DNAH14: variants seen among roughly 807,000 people sequenced by gnomAD.
DNAH14 encodes the protein dynein axonemal heavy chain 14.
A neutral mutation model predicts 520.9 loss-of-function variants in DNAH14; 478 were observed. The ratio of observed to expected loss-of-function variants is 0.92; its 90% CI spans 0.85 to 0.99. The LOEUF is 0.99. Ranked by LOEUF, DNAH14 falls within the 50% of genes least tolerant of loss-of-function variation. The pLI is 0.00. For missense variants in DNAH14, 4,831 were observed against 5,234.5 expected, an observed-to-expected ratio of 0.92 and a Z score of 2.38; for synonymous variants, 1,581 against 1,757.2, an observed-to-expected ratio of 0.90 and a Z score of 2.51.
At chr1:225,367,724 G>C (rs1322510337) in intron 76 of DNAH14, 81 bp from the exon 77 acceptor site, 3 of 921,750 alleles carry the variant, frequency 3.3e-6, no homozygotes, top group Admixed American at 5.3e-5. Flanking sequence ...TCTTTTACCA[G>C]TGTTGTAGAA....
Position 225,346,625 on chromosome 1 carries a change from A to T in DNAH14, c.11267A>T (p.Lys3756Ile). Reference sequence around the variant, plus strand: ...TATTCTGGCATATTGATAAATATTAAAAGTGCATTATCCCAGTCTAGACTT... The same window carrying T: ...TATTCTGGCATATTGATAAATATTATAAGTGCATTATCCCAGTCTAGACTT... ...FLYSGILINI[K>I]SALSQSRLTS... The change falls in exon 71 of 86, where the codon AAA becomes ATA. Residue 3756 changes from lysine (K) to isoleucine (I), a missense_variant. Transcript: ENST00000682510. The T allele has an allele frequency of 6.5e-7, 1 of 1,548,806 alleles. No homozygotes were observed. Among genetic ancestry groups the T allele is most frequent in the Admixed American group, 2.0e-5 (1 of 50,810 alleles).
intron 8 of DNAH14, among the ~76,000 whole-genome samples, chr1:224,997,905 C>T (rs1380950951): frequency 2.0e-5 from 3 of 152,060 alleles, no homozygotes; most frequent in Admixed American, 2.0e-4. Flanking sequence ...CACATGTTCT[C>T]ACTCATAGGT....
At chr1:225,187,116 A>G (rs2084861509) in intron 37 of DNAH14, among the ~76,000 whole-genome samples, 1 of 151,862 alleles carries the variant, frequency 6.6e-6, no homozygotes, top group Non-Finnish European at 1.5e-5. Flanking sequence ...CCAATAATGT[A>G]ATTGCTGGTT....
chr1:225,303,090 TTAATA>T (rs1474572761), intron 56 of DNAH14, 61 bp from the exon 57 acceptor site: 1 of 1,167,888 alleles, frequency 8.6e-7, no homozygotes, highest in East Asian at 2.6e-5. Context: ...CATGGAATTT[TTAATA>T]TAATATTTTT....
chr1:225,028,478 CT>C (rs2066294447), intron 11 of DNAH14, among the ~76,000 whole-genome samples: 1 of 151,850 alleles, frequency 6.6e-6, no homozygotes, highest in African/African-American at 2.4e-5. Context: ...ATGATATCTT[CT>C]CTATCATTAC....
At chr1:225,203,625 C>G (rs1385751100) in intron 38 of DNAH14, among the ~76,000 whole-genome samples, 1 of 152,130 alleles carries the variant, frequency 6.6e-6, no homozygotes, top group Non-Finnish European at 1.5e-5. Flanking sequence ...ATACATACAT[C>G]AGAATTTCTC....
chr1:225,022,072 C>T (rs2065747334), intron 10 of DNAH14, among the ~76,000 whole-genome samples: 1 of 152,112 alleles, frequency 6.6e-6, no homozygotes, highest in Non-Finnish European at 1.5e-5. Flanking sequence ...AAACTGGATC[C>T]CTTCCTGTCA....
intron 42 of DNAH14, among the ~76,000 whole-genome samples, chr1:225,231,715 G>A (rs960910500): frequency 8.5e-5 from 13 of 152,076 alleles, no homozygotes; most frequent in African/African-American, 3.1e-4. Flanking sequence ...TACTCTGCCT[G>A]TCAGTTCTGC....
At chr1:224,985,905 A>G (rs2062602091) in intron 8 of DNAH14, among the ~76,000 whole-genome samples, 2 of 152,072 alleles carry the variant, frequency 1.3e-5, no homozygotes, top group South Asian at 4.1e-4. Context: ...TACAAGATCT[A>G]GAAAATAGCC....
chr1:225,303,492 C>G lies in DNAH14; in HGVS notation c.8823+145C>G. 3 of 680,908 alleles carry G rather than the reference C, an allele frequency of 4.4e-6. 1 individual carries two copies. The South Asian group carries it at 6.8e-5, about 15-fold the overall frequency. 42.2% of individuals were successfully genotyped at this position (680,908 alleles called of 1,614,324 possible). On this transcript the variant is annotated intron_variant, in intron 57 of 85. Transcript: ENST00000682510. ...AAAATGGATCAAGTGTTTACAATGA[C>G]TCCCTATTAATTCCCCATCTGTTGT...
intron 64 of DNAH14, among the ~76,000 whole-genome samples, chr1:225,331,030 T>G (rs868418234): frequency 1.9e-4 from 29 of 152,334 alleles, no homozygotes; most frequent in South Asian, 4.1e-4. Flanking sequence ...TAACAGTTGA[T>G]TCATCATACA....
intron 27 of DNAH14, among the ~76,000 whole-genome samples, chr1:225,139,187 T>C (rs544436562): frequency 6.6e-6 from 1 of 152,320 alleles, no homozygotes; most frequent in South Asian, 2.1e-4. Context: ...GCTGAGGAAC[T>C]TACCCAAACT....
At chr1:225,377,820 T>A (rs943975522) in intron 79 of DNAH14, among the ~76,000 whole-genome samples, 1 of 152,206 alleles carries the variant, frequency 6.6e-6, no homozygotes, top group Non-Finnish European at 1.5e-5. Context: ...TTAAAAGATA[T>A]TTGAATGTTT....
intron 66 of DNAH14, among the ~76,000 whole-genome samples, chr1:225,334,789 A>C (rs909218847): frequency 6.6e-6 from 1 of 151,680 alleles, no homozygotes; most frequent in Non-Finnish European, 1.5e-5. Flanking sequence ...GGATCGCTTG[A>C]GCCCAGGAGG....
intron 8 of DNAH14, among the ~76,000 whole-genome samples, chr1:224,999,051 C>A (rs1339012145): frequency 2.6e-5 from 4 of 151,754 alleles, no homozygotes; most frequent in East Asian, 1.9e-4. Context: ...CTGGTAGTTT[C>A]TTTATTTGGT....
intron 55 of DNAH14, among the ~76,000 whole-genome samples, chr1:225,294,879 T>TTTGTTG (rs572673419): frequency 6.6e-6 from 1 of 152,134 alleles, no homozygotes; most frequent in Non-Finnish European, 1.5e-5. Flanking sequence ...TAGTGGATTT[T>TTTGTTG]TTGTTGTTGT....
chr1:225,028,060 C>G (rs954315350), intron 11 of DNAH14, among the ~76,000 whole-genome samples: 2 of 152,012 alleles, frequency 1.3e-5, no homozygotes, highest in Non-Finnish European at 2.9e-5. Context: ...AAAATGTTCA[C>G]ATCTATATTC....
chr1:224,956,813 C>G (rs992515883), intron 3 of DNAH14, among the ~76,000 whole-genome samples: 6 of 152,062 alleles, frequency 3.9e-5, no homozygotes, highest in Non-Finnish European at 8.8e-5. Flanking sequence ...TGTGGAGTGC[C>G]TAGACCTTAC....
intron 41 of DNAH14, among the ~76,000 whole-genome samples, chr1:225,217,570 G>A (rs377517690): frequency 3.9e-5 from 6 of 152,132 alleles, no homozygotes; most frequent in Non-Finnish European, 8.8e-5. Flanking sequence ...CTTCCAGGCC[G>A]CTTTGTTTAC....
Sources: allele counts gnomAD v4.1 joint callset (sites outside exome capture counted in the v4.1 genomes callset), GRCh38; gene constraint gnomAD v4.1.1; transcripts MANE v1.5; gene names NCBI Gene and HGNC (gene_info 2026-07-23, HGNC 2026-07-21).